Variants in NRXN3 observed in about 807,000 individuals in gnomAD.
NRXN3 encodes the protein neurexin III.
NRXN3 carries 32 observed loss-of-function variants against 137.6 expected under a neutral mutation model. The ratio of observed to expected loss-of-function variants is 0.23; its 90% CI spans 0.18 to 0.31. The LOEUF is 0.31. NRXN3 is among the 10% of genes least tolerant of loss of function. NRXN3 has a pLI of 1.00. For synonymous variants in NRXN3, 798 were observed against 784.5 expected, an observed-to-expected ratio of 1.02 and a Z score of -0.29; for missense variants, 1,574 against 2,062.5, an observed-to-expected ratio of 0.76 and a Z score of 4.59.
rs576231901 is a variant in NRXN3 at position 78,924,810 on chromosome 14, C to T, written c.2276-32432C>T. ...TTGTTAAAATCAGATGCTGCTGGTA[C>T]GCAATCCAAAAGGGATTGTTTAGAC... On this transcript the variant is annotated intron_variant, in intron 10 of 20. Transcript: ENST00000335750. Among the ~76,000 whole-genome samples, 23 of 152,192 alleles carry T rather than the reference C, an allele frequency of 1.5e-4. No individual in the cohort carries two copies. The South Asian group carries it at 1.9e-3, about 12-fold the overall frequency.
intron 8 of NRXN3, among the ~76,000 whole-genome samples, chr14:78,746,363 T>C (rs1490295171): frequency 1.3e-5 from 2 of 152,206 alleles, no homozygotes; most frequent in Non-Finnish European, 2.9e-5. Flanking sequence ...CAGAGACCTT[T>C]ATGCTTTTTC....
At chr14:79,183,171 TA>T (rs529272109) in intron 15 of NRXN3, among the ~76,000 whole-genome samples, 156 of 152,364 alleles carry the variant, frequency 1.0e-3, no homozygotes, top group African/African-American at 3.5e-3. Context: ...TATTGAACTT[TA>T]AAATACATAT....
chr14:79,713,163 ACTT>A (rs2098810820), intron 19 of NRXN3, among the ~76,000 whole-genome samples: 4 of 54,632 alleles, frequency 7.3e-5, no homozygotes, highest in Non-Finnish European at 1.1e-4. Context: ...ACTGATTTTT[ACTT>A]TTTTTTTTTT....
intron 15 of NRXN3, among the ~76,000 whole-genome samples, chr14:79,140,111 A>G (rs1030928116): frequency 2.6e-5 from 4 of 152,086 alleles, no homozygotes; most frequent in South Asian, 2.1e-4. Context: ...CATTTGTTTC[A>G]TTATCTATTA....
intron 4 of NRXN3, among the ~76,000 whole-genome samples, chr14:78,370,221 C>T (rs2086607986): frequency 6.6e-6 from 1 of 152,140 alleles, no homozygotes; most frequent in Non-Finnish European, 1.5e-5. Flanking sequence ...TGATCTGGAA[C>T]CCAAACCCAG....
chr14:79,862,814 C>T lies in NRXN3; in HGVS notation c.*850C>T, dbSNP rs933469699. On this transcript the variant is annotated 3_prime_UTR_variant, in exon 21 of 21. Transcript: ENST00000335750. The stretch of plus-strand genomic sequence containing the variant: ...AAGCTGGTCCCCCAGGATCTAATTT[C>T]AGAATTTACCACCCAAACCCGGAAC... 35 of 152,632 alleles carry T rather than the reference C, an allele frequency of 2.3e-4. No individual in the cohort carries two copies. Among genetic ancestry groups the T allele is most frequent in the African/African-American group, 8.4e-4 (35 of 41,530 alleles). 9.5% of individuals were successfully genotyped at this position (152,632 alleles called of 1,614,324 possible).
At chr14:79,127,445 T>C (rs1240491548) in intron 15 of NRXN3, among the ~76,000 whole-genome samples, 1 of 152,236 alleles carries the variant, frequency 6.6e-6, no homozygotes, top group African/African-American at 2.4e-5. Context: ...CCTTTCCCCA[T>C]TGCTTGTTTT....
intron 19 of NRXN3, among the ~76,000 whole-genome samples, chr14:79,756,566 A>T (rs938430273): frequency 3.9e-5 from 6 of 152,196 alleles, no homozygotes; most frequent in Non-Finnish European, 8.8e-5. Context: ...ACCAATTCCA[A>T]CCAGAGAACG....
At chr14:78,759,111 C>T (rs573191543) in intron 8 of NRXN3, among the ~76,000 whole-genome samples, 96 of 152,236 alleles carry the variant, frequency 6.3e-4, no homozygotes, top group African/African-American at 2.0e-3. Flanking sequence ...CCTCATCCTC[C>T]GGACCAGATG....
At chr14:78,179,205 T>A (rs371242970) in intron 1 of NRXN3, among the ~76,000 whole-genome samples, 2 of 152,022 alleles carry the variant, frequency 1.3e-5, no homozygotes, top group South Asian at 2.1e-4. Context: ...TGGGAAGGGA[T>A]GCCAGGTCTG....
chr14:79,501,938 A>T (rs765509335), intron 16 of NRXN3, among the ~76,000 whole-genome samples: 6 of 152,158 alleles, frequency 3.9e-5, no homozygotes, highest in Non-Finnish European at 8.8e-5. Context: ...TGGAAAAGCC[A>T]CTTCTGTTAC....
intron 20 of NRXN3, among the ~76,000 whole-genome samples, chr14:79,845,901 A>G (rs112811052): frequency 2.1e-4 from 31 of 149,900 alleles, no homozygotes; most frequent in East Asian, 1.0e-3. Context: ...AGAGAAAGAC[A>G]GAGAGAGAGA....
intron 19 of NRXN3, among the ~76,000 whole-genome samples, chr14:79,698,352 C>G (rs1464134083): frequency 6.6e-6 from 1 of 151,966 alleles, no homozygotes; most frequent in Non-Finnish European, 1.5e-5. Flanking sequence ...TTTGCTATAA[C>G]ATGAATCTTT....
intron 4 of NRXN3, among the ~76,000 whole-genome samples, chr14:78,543,009 C>A (rs2096605686): frequency 1.3e-5 from 2 of 151,980 alleles, no homozygotes; most frequent in African/African-American, 4.8e-5. Context: ...CTTGAGGTCA[C>A]TTTAGGTGGG....
At chr14:78,353,657 A>G (rs2083873317) in intron 4 of NRXN3, among the ~76,000 whole-genome samples, 1 of 152,204 alleles carries the variant, frequency 6.6e-6, no homozygotes, top group Non-Finnish European at 1.5e-5. Context: ...TTTTAAATGT[A>G]TATCCCTTCC....
chr14:79,150,228 G>A (rs1197139565), intron 15 of NRXN3, among the ~76,000 whole-genome samples: 1 of 151,998 alleles, frequency 6.6e-6, no homozygotes, highest in African/African-American at 2.4e-5. Context: ...CCTATTGCCA[G>A]ATGGGGGAGA....
intron 15 of NRXN3, among the ~76,000 whole-genome samples, chr14:79,228,972 G>A (rs538228026): frequency 6.6e-6 from 1 of 152,246 alleles, no homozygotes; most frequent in South Asian, 2.1e-4. Flanking sequence ...GTAACAAAGA[G>A]ATCATTGGTT....
At chr14:79,231,117 C>T (rs1042373917) in intron 15 of NRXN3, among the ~76,000 whole-genome samples, 12 of 152,066 alleles carry the variant, frequency 7.9e-5, no homozygotes, top group African/African-American at 2.9e-4. Context: ...TGTTCAAAAG[C>T]AAGACTAAAC....
chr14:79,058,942 C>T (rs2152641533), intron 15 of NRXN3, among the ~76,000 whole-genome samples: 1 of 152,288 alleles, frequency 6.6e-6, no homozygotes. Flanking sequence ...GCTTCCCCAG[C>T]CATGTGGATC....
Sources: gnomAD v4.1 joint callset for allele counts (sites outside exome capture counted in the v4.1 genomes callset) on GRCh38, gnomAD v4.1.1 for gene constraint, MANE v1.5 for transcripts, NCBI Gene and HGNC (gene_info 2026-07-23, HGNC 2026-07-21) for gene names.